TUT7: variants seen among roughly 807,000 people sequenced by gnomAD.
TUT7 encodes the protein terminal uridylyl transferase 7, also known as terminal uridylyltransferase 7.
In TUT7, 33 loss-of-function variants were observed where a neutral mutation model predicts 165.9. The ratio of observed to expected loss-of-function variants is 0.20; its 90% CI spans 0.15 to 0.27. The LOEUF (loss-of-function observed/expected upper bound fraction) is 0.27. Among genes scored for constraint, TUT7 ranks in the 10% least tolerant of loss-of-function variants. The pLI, the probability that TUT7 is intolerant of heterozygous loss-of-function variation, is 1.00. For synonymous variants in TUT7, 552 were observed against 608.1 expected, an observed-to-expected ratio of 0.91 and a Z score of 1.36; for missense variants, 1,338 against 1,762.3, an observed-to-expected ratio of 0.76 and a Z score of 4.31.
intron 2 of TUT7, among the ~76,000 whole-genome samples, chr9:86,349,208 G>A (rs1048379343): frequency 6.6e-6 from 1 of 151,866 alleles, no homozygotes; most frequent in Non-Finnish European, 1.5e-5. Flanking sequence ...GAACTCGGGA[G>A]GCAGAGGTTG....
At position 86,323,008 on chromosome 9, in the gene TUT7, A is replaced by G. The variant is rs754679699; in HGVS notation, c.2742T>C (p.His914=). ...KYEDVKECGK[H]VERALLVELN... The stretch of plus-strand genomic sequence containing the variant: ...GTTCCACTAGGAGAGCTCTTTCTAC[A>G]TGTTTTCCACATTCTTTCACGTCTT... The change falls in exon 13 of 27, where the codon CAT becomes CAC. Residue 914 remains histidine (H), a synonymous_variant. Transcript: ENST00000375963. The G allele has an allele frequency of 3.7e-6, 6 of 1,614,046 alleles. No individual in the cohort carries two copies. Among genetic ancestry groups the G allele is most frequent in the South Asian group, 1.1e-5 (1 of 91,084 alleles).
chr9:86,343,275 A>T, intron 5 of TUT7, 112 bp from the exon 6 acceptor site: 1 of 609,946 alleles, frequency 1.6e-6, no homozygotes, highest in East Asian at 3.3e-5. Flanking sequence ...TACACACAAA[A>T]GCAAACTTGT....
intron 22 of TUT7, among the ~76,000 whole-genome samples, chr9:86,307,331 C>T (rs1264454582): frequency 3.3e-5 from 5 of 151,078 alleles, no homozygotes; most frequent in Admixed American, 2.0e-4. Flanking sequence ...GCAGTGATAA[C>T]GAAAAGGCGT....
chr9:86,346,221 G>A, intron 3 of TUT7, 78 bp downstream of exon 3: 1 of 1,336,916 alleles, frequency 7.5e-7, no homozygotes, highest in Non-Finnish European at 1.0e-6. Context: ...ATTGATCAGA[G>A]CATGCATACT....
rs1587928432 is a variant in TUT7 at position 86,320,275 on chromosome 9, G to GACTTGTTA, written c.3029-613_3029-606dup. Among the ~76,000 whole-genome samples the GACTTGTTA allele has an allele frequency of 4.0e-5, 5 of 124,672 alleles. No individual in the cohort carries two copies. In the East Asian group the frequency reaches 1.0e-3, roughly 25 times the overall value. 81.8% of individuals were successfully genotyped at this position (124,672 alleles called of 152,430 possible). A position where few individuals can be genotyped will look rare whatever the true frequency, so the allele number is the denominator to read the frequency against. On this transcript the variant is annotated intron_variant, in intron 14 of 26. Coordinates refer to ENST00000375963, the MANE Select transcript of TUT7 (RefSeq NM_024617.4). Reference sequence around the variant, plus strand: ...AATTTCCCAAAAAAAAAAAAAAAAGGACTTGTTAAGAACACGTGTCTTCTG... The same window carrying GACTTGTTA: ...AATTTCCCAAAAAAAAAAAAAAAAGGACTTGTTAACTTGTTAAGAACACGTGTCTTCTG...
intron 1 of TUT7, 68 bp from the exon 2 acceptor site, chr9:86,353,298 C>G: frequency 7.6e-7 from 1 of 1,311,100 alleles, no homozygotes; most frequent in Non-Finnish European, 1.0e-6. Flanking sequence ...TACAAAATAA[C>G]AATTTATCGT....
chr9:86,340,706 T>G (rs992424875), intron 7 of TUT7, among the ~76,000 whole-genome samples: 1 of 152,242 alleles, frequency 6.6e-6, no homozygotes, highest in Non-Finnish European at 1.5e-5. Context: ...TCCTTCAGTT[T>G]TACCCTCAAG....
At chr9:86,327,678 G>C (rs1489345081) in intron 11 of TUT7, among the ~76,000 whole-genome samples, 1 of 152,204 alleles carries the variant, frequency 6.6e-6, no homozygotes, top group Non-Finnish European at 1.5e-5. Context: ...AACACAACTG[G>C]AAAATCTGAT....
At position 86,301,621 on chromosome 9, in the gene TUT7, A is replaced by G. The variant is rs1826914150; in HGVS notation, c.4095-20T>C. The G allele has an allele frequency of 6.3e-7, 1 of 1,583,182 alleles. No individual in the cohort carries two copies. The stretch of plus-strand genomic sequence containing the variant: ...CTTACTCTGTAGAAGATATCATATT[A>G]GTAGCAAAAATCTAAACAGAAGCCT... On this transcript the variant is annotated intron_variant, in intron 25 of 26. Transcript: ENST00000375963.
intron 5 of TUT7, 76 bp downstream of exon 5, chr9:86,344,901 T>C: frequency 7.6e-7 from 1 of 1,319,712 alleles, no homozygotes; most frequent in Admixed American, 2.6e-5. Flanking sequence ...TTTTATTTGA[T>C]GAAAATTACT....
At position 86,352,942 on chromosome 9, in the gene TUT7, T is replaced by A; in HGVS notation, c.258A>T (p.Gln86His). ...TGTGGCTGTCATTCATCCAAGCGGG[T>A]TGACTGTAGATTGGGTTTTTAAATG... ...PYAFKNPIYS[Q>H]PAWMNDSHKD... is the part of the protein sequence containing the mutation. Residue 86 changes from glutamine (Q) to histidine (H), a missense_variant, in exon 2 of 27, where the codon CAA becomes CAT. Around this residue, in one of 7 missense-constraint regions of TUT7, gnomAD observed 434 missense variants for 480.8 expected, o/e 0.90. Coordinates refer to ENST00000375963, the MANE Select transcript of TUT7 (RefSeq NM_024617.4). 1.9e-6 allele frequency: 3 copies of A among 1,614,152 alleles called. No homozygotes were observed. The highest frequency in any genetic ancestry group is 2.5e-6 in the Non-Finnish European group (3 of 1,180,032).
At chr9:86,344,081 C>T (rs933569790) in intron 5 of TUT7, among the ~76,000 whole-genome samples, 4 of 152,048 alleles carry the variant, frequency 2.6e-5, no homozygotes, top group East Asian at 1.9e-4. Context: ...AAAGTATATG[C>T]GTTACAAATA....
intron 15 of TUT7, 34 bp downstream of exon 15, chr9:86,319,550 T>C (rs1232381527): frequency 7.0e-7 from 1 of 1,429,942 alleles, no homozygotes; most frequent in South Asian, 1.2e-5. Context: ...AAGGTTACAC[T>C]ACTTTTCTTA....
chr9:86,301,635 A>G, intron 25 of TUT7, 34 bp from the exon 26 acceptor site: 1 of 1,567,726 alleles, frequency 6.4e-7, no homozygotes, highest in South Asian at 1.2e-5. Context: ...GCAAAAATCT[A>G]AACAGAAGCC....
intron 26 of TUT7, among the ~76,000 whole-genome samples, chr9:86,289,506 T>C (rs893058761): frequency 1.3e-5 from 2 of 152,056 alleles, no homozygotes; most frequent in African/African-American, 4.8e-5. Flanking sequence ...TCTCTACCCA[T>C]TTCCAAGTGA....
chr9:86,336,117 G>C (rs747379094), intron 10 of TUT7, among the ~76,000 whole-genome samples: 18 of 152,122 alleles, frequency 1.2e-4, no homozygotes, highest in Non-Finnish European at 4.4e-5. Context: ...ATCTCATTCA[G>C]TAAGATGGTA....
Position 86,338,960 on chromosome 9 carries a change from G to A in TUT7, c.1209-11C>T. 1 of 1,568,300 alleles carries A rather than the reference G, an allele frequency of 6.4e-7. No homozygotes were observed. Among genetic ancestry groups the A allele is most frequent in the Non-Finnish European group, 8.7e-7 (1 of 1,155,592 alleles). On this transcript the variant is annotated splice_polypyrimidine_tract_variant and intron_variant, in intron 8 of 26. Transcript: ENST00000375963. ...TTACACAGAAGACCACTGGTGAGAG[G>A]TGGGGGAGGAGGATGGGAAAGAAAA...
chr9:86,333,873 C>T (rs1475510517), intron 10 of TUT7, among the ~76,000 whole-genome samples: 1 of 152,148 alleles, frequency 6.6e-6, no homozygotes, highest in Non-Finnish European at 1.5e-5. Flanking sequence ...TTATTGTTTT[C>T]TGCAGCTGTC....
At chr9:86,322,532 A>G (rs1005658548) in intron 13 of TUT7, 57 bp from the exon 14 acceptor site, 3 of 1,549,432 alleles carry the variant, frequency 1.9e-6, no homozygotes, top group African/African-American at 2.8e-5. Flanking sequence ...CAAATAAAGG[A>G]GTCTGGAATC....
Sources: gnomAD v4.1 joint callset for allele counts (sites outside exome capture counted in the v4.1 genomes callset) on GRCh38, gnomAD v4.1.1 for gene constraint, gnomAD v4.1.1 regional missense constraint, MANE v1.5 for transcripts, NCBI Gene and HGNC (gene_info 2026-07-23, HGNC 2026-07-21) for gene names.